Variants in AOPEP observed in about 807,000 individuals in gnomAD.
AOPEP encodes aminopeptidase O (putative).
A neutral mutation model predicts 98.1 loss-of-function variants in AOPEP; 77 were observed. The ratio of observed to expected loss-of-function variants is 0.78; its 90% CI spans 0.65 to 0.95. The LOEUF (loss-of-function observed/expected upper bound fraction) is 0.95. Among genes scored for constraint, AOPEP ranks in the 40% least tolerant of loss-of-function variants. AOPEP has a pLI of 0.00. For missense variants in AOPEP, 1,024 were observed against 1,024.7 expected (o/e 1.00, Z 0.01); for synonymous variants, 346 against 365.3 (o/e 0.95, Z 0.60).
chr9:94,870,098 C>T (rs1409853991), intron 5 of AOPEP, among the ~76,000 whole-genome samples: 1 of 151,074 alleles, frequency 6.6e-6, no homozygotes, highest in Admixed American at 6.6e-5. Flanking sequence ...AAGCGATTCT[C>T]CTGCCTCAAC....
At chr9:94,831,244 G>A (rs1855900655) in intron 5 of AOPEP, among the ~76,000 whole-genome samples, 1 of 152,118 alleles carries the variant, frequency 6.6e-6, no homozygotes, top group African/African-American at 2.4e-5. Context: ...TGTTAAGGAA[G>A]GGGTTCCAGT....
At chr9:95,114,478 C>A in the AOPEP span, 1 of 774,100 alleles carries the variant, frequency 1.3e-6, no homozygotes, top group East Asian at 2.5e-5. Flanking sequence ...CCATGCGCTT[C>A]CTCCACTTCT....
intron 11 of AOPEP, among the ~76,000 whole-genome samples, chr9:94,991,003 G>T (rs1231074606): frequency 6.6e-6 from 1 of 152,240 alleles, no homozygotes; most frequent in African/African-American, 2.4e-5. Flanking sequence ...CAGTAGTTGA[G>T]TGAGTTGTGC....
chr9:95,068,136 T>C (rs1013498938), intron 14 of AOPEP, among the ~76,000 whole-genome samples: 1 of 152,246 alleles, frequency 6.6e-6, no homozygotes, highest in Non-Finnish European at 1.5e-5. Flanking sequence ...ATAATGCTGC[T>C]AGGAACATAT....
chr9:94,933,478 A>C, intron 7 of AOPEP: 12 of 985,438 alleles, frequency 1.2e-5, no homozygotes, highest in Non-Finnish European at 1.3e-5. Flanking sequence ...GAGGTGCAAC[A>C]GGCAGGAGTC....
At chr9:95,111,397 C>T in the AOPEP span, 1 of 1,597,424 alleles carries the variant, frequency 6.3e-7, no homozygotes, top group Non-Finnish European at 8.5e-7. Context: ...CAGAGCCCCT[C>T]TCTGCAAGCT....
At chr9:94,906,336 C>T (rs1179793282) in intron 5 of AOPEP, among the ~76,000 whole-genome samples, 2 of 151,524 alleles carry the variant, frequency 1.3e-5, no homozygotes, top group East Asian at 3.9e-4. Flanking sequence ...TGTGGTGATG[C>T]ATGCCTGTAG....
rs758633963 is a variant in AOPEP, at chr9:94,743,193, A to AGAG, written c.-136+16444_-136+16445insGGA. Among the ~76,000 whole-genome samples, 885 of 121,962 alleles carry AGAG rather than the reference A, an allele frequency of 7.3e-3. 7 individuals carry two copies. Among genetic ancestry groups the AGAG allele is most frequent in the Non-Finnish European group, 8.7e-3 (509 of 58,404 alleles). 80.0% of individuals were successfully genotyped at this position (121,962 alleles called of 152,430 possible). A position where few individuals can be genotyped will look rare whatever the true frequency, so the allele number is the denominator to read the frequency against. On this transcript the variant is annotated intron_variant, in intron 1 of 16. Transcript: ENST00000375315. Reference sequence around the variant, plus strand: ...AAGAAGAAGAAGAAGAAGAAGAAGAAGAAGAAGAGGAAGAAGAGGAAGAAG... The same window carrying AGAG: ...AAGAAGAAGAAGAAGAAGAAGAAGAAGAGGAAGAAGAGGAAGAAGAGGAAGAAG...
intron 5 of AOPEP, among the ~76,000 whole-genome samples, chr9:94,908,433 A>G (rs985534324): frequency 1.3e-5 from 2 of 152,200 alleles, no homozygotes; most frequent in African/African-American, 4.8e-5. Flanking sequence ...TGAAGAATCA[A>G]TTCTGAACAC....
chr9:95,081,776 T>G (rs2069816133), intron 15 of AOPEP, among the ~76,000 whole-genome samples: 1 of 152,184 alleles, frequency 6.6e-6, no homozygotes, highest in Admixed American at 6.5e-5. Flanking sequence ...ATGTCTGGAC[T>G]TTTTTGGGAA....
At position 94,740,895 on chromosome 9, in the gene AOPEP, A is replaced by G. The variant is rs1832915173; in HGVS notation, c.-136+14144A>G. 2.0e-5 allele frequency among the ~76,000 whole-genome samples: 3 copies of G among 152,244 alleles called. No homozygotes were observed. The South Asian group carries it at 6.2e-4, about 31-fold the overall frequency. Reference sequence around the variant, plus strand: ...TCAGAGTTACAGTGAAGACTAAATGAGTTAATACATTGAAAGGGCCTAGCA... The same window carrying G: ...TCAGAGTTACAGTGAAGACTAAATGGGTTAATACATTGAAAGGGCCTAGCA... On this transcript the variant is annotated intron_variant, in intron 1 of 16. Coordinates refer to ENST00000375315, the MANE Select transcript of AOPEP (RefSeq NM_001193329.3).
intron 7 of AOPEP, among the ~76,000 whole-genome samples, chr9:94,949,378 C>T (rs2137788700): frequency 6.6e-6 from 1 of 152,314 alleles, no homozygotes; most frequent in South Asian, 2.1e-4. Flanking sequence ...TCTTTAGCAG[C>T]CGACCCGGGA....
At chr9:95,004,533 A>C (rs2061789901) in intron 11 of AOPEP, among the ~76,000 whole-genome samples, 1 of 152,070 alleles carries the variant, frequency 6.6e-6, no homozygotes. Flanking sequence ...AGAAAACTCC[A>C]CTAGGAAAGT....
intron 5 of AOPEP, among the ~76,000 whole-genome samples, chr9:94,867,295 G>A (rs1163160406): frequency 2.0e-5 from 3 of 152,206 alleles, no homozygotes; most frequent in South Asian, 4.1e-4. Flanking sequence ...CTGTTTAGAA[G>A]TACTTGCTAT....
At chr9:95,040,609 T>C (rs1193248842) in intron 13 of AOPEP, among the ~76,000 whole-genome samples, 1 of 152,180 alleles carries the variant, frequency 6.6e-6, no homozygotes, top group Non-Finnish European at 1.5e-5. Flanking sequence ...CAGGGACCTT[T>C]CTCCCTCCCC....
At chr9:95,101,101 TAC>T in the AOPEP span, 2,310 of 238,522 alleles carry the variant, frequency 9.7e-3, 54 homozygotes, top group African/African-American at 0.047. Flanking sequence ...ATTTAGCAAA[TAC>T]AGAGTGGAAA....
At chr9:95,002,332 C>A (rs895468453) in intron 11 of AOPEP, among the ~76,000 whole-genome samples, 3 of 152,096 alleles carry the variant, frequency 2.0e-5, no homozygotes, top group African/African-American at 7.2e-5. Flanking sequence ...TTCTGGTGGA[C>A]TGAACAAAAA....
At chr9:94,904,695 A>G (rs1208799804) in intron 5 of AOPEP, 1 of 152,264 alleles carries the variant, frequency 6.6e-6, no homozygotes, top group Non-Finnish European at 1.5e-5. Context: ...TGAAAGCCAT[A>G]TATTTGGGTT....
the AOPEP span, chr9:95,127,490 G>C: frequency 1.3e-5 from 2 of 152,342 alleles, no homozygotes; most frequent in Non-Finnish European, 2.9e-5. Flanking sequence ...GGCATGCGCA[G>C]TCAGGATGGG....
Sources: allele counts gnomAD v4.1 joint callset (sites outside exome capture counted in the v4.1 genomes callset), GRCh38; gene constraint gnomAD v4.1.1; transcripts MANE v1.5; gene names NCBI Gene and HGNC (gene_info 2026-07-23, HGNC 2026-07-21).